MMP17: variants seen among roughly 807,000 people sequenced by gnomAD.
The protein encoded by MMP17 is matrix metalloproteinase-17.
MMP17 carries 54 observed loss-of-function variants against 49.1 expected under a neutral mutation model. The ratio of observed to expected loss-of-function variants is 1.10; its 90% CI spans 0.88 to 1.38. The LOEUF (loss-of-function observed/expected upper bound fraction) is 1.38. Ranked by LOEUF, MMP17 falls within the 40% of genes most tolerant of loss-of-function variation. The pLI is 0.00. For missense variants in MMP17, 837 were observed against 853.7 expected, an observed-to-expected ratio of 0.98 and a Z score of 0.24; for synonymous variants, 397 against 383.1, an observed-to-expected ratio of 1.04 and a Z score of -0.42.
intron 9 of MMP17, among the ~76,000 whole-genome samples, chr12:131,850,538 A>G (rs1419006951): frequency 2.6e-5 from 4 of 152,196 alleles, no homozygotes; most frequent in Non-Finnish European, 5.9e-5. Context: ...GTCACCTGGA[A>G]CAGCCCTGCA....
At chr12:131,835,035 A>G (rs1380403448) in intron 1 of MMP17, among the ~76,000 whole-genome samples, 3 of 152,086 alleles carry the variant, frequency 2.0e-5, no homozygotes, top group Non-Finnish European at 4.4e-5. Flanking sequence ...TGGCTCCCAA[A>G]CCTGCAAGGC....
chr12:131,847,615 C>T (rs1163364634), intron 8 of MMP17, among the ~76,000 whole-genome samples: 1 of 152,252 alleles, frequency 6.6e-6, no homozygotes, highest in Admixed American at 6.5e-5. Flanking sequence ...AGTGTTCAGG[C>T]CGCTTCCCCC....
At chr12:131,842,089 T>C (rs1223385764) in intron 5 of MMP17, among the ~76,000 whole-genome samples, 1 of 152,226 alleles carries the variant, frequency 6.6e-6, no homozygotes, top group Non-Finnish European at 1.5e-5. Context: ...TCTTAAATCA[T>C]CTGATCTTTG....
At chr12:131,847,141 A>G (rs540153653) in intron 8 of MMP17, among the ~76,000 whole-genome samples, 45 of 151,064 alleles carry the variant, frequency 3.0e-4, no homozygotes, top group Middle Eastern at 3.5e-3. Context: ...TGTCACGCGC[A>G]GTGGCTCACG....
chr12:131,835,955 G>C (rs894576321), intron 1 of MMP17, among the ~76,000 whole-genome samples: 1 of 152,178 alleles, frequency 6.6e-6, no homozygotes, highest in African/African-American at 2.4e-5. Context: ...GGATGCTCGG[G>C]GCCAAAGATC....
intron 5 of MMP17, among the ~76,000 whole-genome samples, chr12:131,842,532 G>C (rs1887468743): frequency 6.6e-6 from 1 of 152,136 alleles, no homozygotes; most frequent in African/African-American, 2.4e-5. Context: ...CCGGCACTTT[G>C]GGAGGCTGAG....
At chr12:131,829,071 AC>A (rs1196693388) in intron 1 of MMP17, among the ~76,000 whole-genome samples, 1 of 152,110 alleles carries the variant, frequency 6.6e-6, no homozygotes, top group African/African-American at 2.4e-5. Context: ...AGGAGCACGC[AC>A]CCACAAAGCG....
chr12:131,829,349 G>A (rs568607748), intron 1 of MMP17, among the ~76,000 whole-genome samples: 22 of 152,342 alleles, frequency 1.4e-4, no homozygotes, highest in Non-Finnish European at 5.9e-5. Context: ...AACCCTGCCT[G>A]GGGGCAGCGA....
chr12:131,840,694 G>A lies in MMP17; in HGVS notation c.544G>A (p.Ala182Thr), dbSNP rs6598163. 766,687 of 1,606,054 alleles carry A rather than the reference G, an allele frequency of 0.48. 183,664 individuals are homozygous for A. Among genetic ancestry groups the A allele is most frequent in the East Asian group, 0.49 (21,892 of 44,860 alleles). ...PLNFHEVAGSAADIQIDFSKA... is the reference protein window; with the variant it reads ...PLNFHEVAGSTADIQIDFSKA... Reference sequence around the variant, plus strand: ...GAACTTCCACGAGGTGGCGGGCAGCGCCGCCGACATCCAGATCGACTTCTC... The same window carrying A: ...GAACTTCCACGAGGTGGCGGGCAGCACCGCCGACATCCAGATCGACTTCTC... Residue 182 changes from alanine (A) to threonine (T), a missense_variant, in exon 4 of 10, where the codon GCC becomes ACC. Coordinates refer to ENST00000360564, the MANE Select transcript of MMP17 (RefSeq NM_016155.7).
Position 131,840,735 on chromosome 12 carries a change from C to G in MMP17, c.585C>G (p.Asn195Lys), listed in dbSNP as rs142005718. Residue 195 changes from asparagine to lysine, a missense_variant, in exon 4 of 10, where the codon AAC becomes AAG. Physicochemically the swap from Asn to Lys is moderately conservative, Grantham distance 94. Transcript: ENST00000360564. ...TCGACTTCTCCAAGGCCGACCATAA[C>G]GACGGCTACCCCTTCGACGGCCCCG... Reference protein sequence around the residue: ...IQIDFSKADHNDGYPFDGPGG... With the variant: ...IQIDFSKADHKDGYPFDGPGG... 2.4e-5 allele frequency: 39 copies of G among 1,604,398 alleles called. No individual in the cohort carries two copies. Among genetic ancestry groups the G allele is most frequent in the Non-Finnish European group, 3.2e-5 (38 of 1,179,914 alleles).
In MMP17 at chr12:131,846,937, C is replaced by T. The variant is rs56192908; in HGVS notation, c.1204+1488C>T. Reference sequence around the variant, plus strand: ...CATTTGACTCCGTCACCCCCATCACCTGGGAGCCCTCCGGTGACTGTTCCC... The same window carrying T: ...CATTTGACTCCGTCACCCCCATCACTTGGGAGCCCTCCGGTGACTGTTCCC... On this transcript the variant is annotated intron_variant, in intron 8 of 9. Transcript: ENST00000360564. This position sits in a 1 kb window ranked among gnomAD's most constrained non-coding sequence, Gnocchi z 4.6. Among the ~76,000 whole-genome samples, 32,215 of 151,858 alleles carry T rather than the reference C, an allele frequency of 0.21. 3,616 individuals carry two copies. Among genetic ancestry groups the T allele is most frequent in the African/African-American group, 0.24 (9,760 of 41,398 alleles).
Position 131,845,176 on chromosome 12 carries a change from CG to C in MMP17, c.1031del (p.Gly344ValfsTer14), listed in dbSNP as rs772650634. ...STHFDAVAQI[R>X]GEAFFFKGKY... Reference sequence around the variant, plus strand: ...TCACTTTGACGCGGTGGCCCAGATCCGGGGTGAAGCTTTCTTCTTCAAAGGT... The same window carrying C: ...TCACTTTGACGCGGTGGCCCAGATCCGGGTGAAGCTTTCTTCTTCAAAGGT... On this transcript the variant is annotated frameshift_variant, in exon 7 of 10. Coordinates refer to ENST00000360564, the MANE Select transcript of MMP17 (RefSeq NM_016155.7). LOFTEE classifies it high-confidence loss of function. 6.2e-7 allele frequency: 1 copy of C among 1,614,046 alleles called. No individual in the cohort carries two copies. Among genetic ancestry groups the C allele is most frequent in the Non-Finnish European group, 8.5e-7 (1 of 1,179,940 alleles).
intron 1 of MMP17, among the ~76,000 whole-genome samples, chr12:131,829,318 C>T (rs1217239642): frequency 2.0e-5 from 3 of 152,226 alleles, no homozygotes; most frequent in Non-Finnish European, 4.4e-5. Flanking sequence ...CACCCAGTAG[C>T]TGTCCCCAGC....
chr12:131,836,911 TC>T (rs984111042), intron 1 of MMP17, among the ~76,000 whole-genome samples: 2 of 151,992 alleles, frequency 1.3e-5, no homozygotes. Flanking sequence ...AGGCCTGCCA[TC>T]CCCAGGTCCC....
intron 3 of MMP17, among the ~76,000 whole-genome samples, chr12:131,839,122 C>A (rs1198021301): frequency 6.6e-6 from 1 of 152,160 alleles, no homozygotes; most frequent in African/African-American, 2.4e-5. Flanking sequence ...GTAGAGGGAG[C>A]ATCTGTCCAG....
At chr12:131,835,352 G>A (rs563394767) in intron 1 of MMP17, among the ~76,000 whole-genome samples, 1 of 152,242 alleles carries the variant, frequency 6.6e-6, no homozygotes, top group Non-Finnish European at 1.5e-5. Context: ...AGTTGAAGCA[G>A]GCTGGCCGCT....
At chr12:131,844,250 G>T in intron 6 of MMP17, 169 bp downstream of exon 6, 1 of 621,284 alleles carries the variant, frequency 1.6e-6, no homozygotes, top group South Asian at 1.8e-5. Context: ...ATCTAATACC[G>T]GCCCTCCCCT....
At chr12:131,838,368 T>A in intron 2 of MMP17, 41 bp downstream of exon 2, 1 of 1,604,818 alleles carries the variant, frequency 6.2e-7, no homozygotes, top group Non-Finnish European at 8.5e-7. Context: ...GTGGCCCCCG[T>A]CAGGTCTGCG....
chr12:131,841,322 C>T (rs887727408), intron 4 of MMP17, among the ~76,000 whole-genome samples: 10 of 152,230 alleles, frequency 6.6e-5, no homozygotes, highest in African/African-American at 2.2e-4. Flanking sequence ...ATCCGACCGA[C>T]ACCTGGCCCC....
Sources: allele counts gnomAD v4.1 joint callset (sites outside exome capture counted in the v4.1 genomes callset), GRCh38; gene constraint gnomAD v4.1.1; non-coding constraint Gnocchi (gnomAD v3.1); transcripts MANE v1.5; gene names NCBI Gene and HGNC (gene_info 2026-07-23, HGNC 2026-07-21).